KCNH7: variants seen among roughly 807,000 people sequenced by gnomAD.
KCNH7 encodes potassium voltage-gated channel subfamily H member 7.
Under a neutral mutation model 120.8 loss-of-function variants are expected in KCNH7, and 49 were observed. The ratio of observed to expected loss-of-function variants is 0.41; its 90% CI spans 0.32 to 0.51. The LOEUF (loss-of-function observed/expected upper bound fraction) is 0.51. KCNH7 is among the 20% of genes least tolerant of loss of function. The pLI, the probability that KCNH7 is intolerant of heterozygous loss-of-function variation, is 0.38. For synonymous variants in KCNH7, 547 were observed against 516.1 expected, an observed-to-expected ratio of 1.06 and a Z score of -0.81; for missense variants, 1,097 against 1,446.6, an observed-to-expected ratio of 0.76 and a Z score of 3.92.
At chr2:162,437,959 A>G (rs890443455) in intron 7 of KCNH7, among the ~76,000 whole-genome samples, 2 of 151,974 alleles carry the variant, frequency 1.3e-5, no homozygotes, top group African/African-American at 4.8e-5. Flanking sequence ...CTGGTTCAAC[A>G]TTTCACCATT....
chr2:162,758,914 T>C (rs943472908), intron 2 of KCNH7, among the ~76,000 whole-genome samples: 10 of 152,092 alleles, frequency 6.6e-5, no homozygotes, highest in African/African-American at 2.4e-4. Flanking sequence ...CAAGGAAATA[T>C]GAAGGAAAAA....
intron 2 of KCNH7, among the ~76,000 whole-genome samples, chr2:162,764,375 A>G (rs1258581217): frequency 6.6e-6 from 1 of 152,136 alleles, no homozygotes; most frequent in South Asian, 2.1e-4. Context: ...CCAAGGAGAT[A>G]TGCCTTCTCT....
At chr2:162,604,830 G>A (rs1415431550) in intron 2 of KCNH7, among the ~76,000 whole-genome samples, 1 of 151,830 alleles carries the variant, frequency 6.6e-6, no homozygotes. Flanking sequence ...CTAGAAAGGA[G>A]GAAAAGAACA....
At chr2:162,649,829 T>C (rs1049404710) in intron 2 of KCNH7, among the ~76,000 whole-genome samples, 2 of 152,188 alleles carry the variant, frequency 1.3e-5, no homozygotes, top group African/African-American at 4.8e-5. Context: ...TAGCTACATT[T>C]ACCTTCATAT....
At chr2:162,615,003 G>A (rs964558301) in intron 2 of KCNH7, among the ~76,000 whole-genome samples, 2 of 151,806 alleles carry the variant, frequency 1.3e-5, no homozygotes, top group Non-Finnish European at 2.9e-5. Context: ...ATAGCAATAC[G>A]GTTTAAATGT....
chr2:162,496,683 G>A (rs948191996), intron 6 of KCNH7, among the ~76,000 whole-genome samples: 1 of 152,132 alleles, frequency 6.6e-6, no homozygotes, highest in African/African-American at 2.4e-5. Flanking sequence ...CATCAGTATT[G>A]TGAATTTTGT....
In KCNH7 at chr2:162,592,842, G is replaced by T. The variant is rs372720049; in HGVS notation, c.308-55762C>A. Among the ~76,000 whole-genome samples the T allele has an allele frequency of 4.1e-4, 63 of 152,136 alleles. No individual in the cohort carries two copies. In the South Asian group the frequency reaches 8.9e-3, roughly 22 times the overall value. On this transcript the variant is annotated intron_variant, in intron 2 of 15. Coordinates refer to ENST00000332142, the MANE Select transcript of KCNH7 (RefSeq NM_033272.4). ...CAAATAGAAATGTGTATTTGTTCTT[G>T]TTATCAAAATATTGATGTAGTTTTG...
intron 2 of KCNH7, among the ~76,000 whole-genome samples, chr2:162,786,201 C>T (rs1177989040): frequency 7.0e-6 from 1 of 142,822 alleles, no homozygotes; most frequent in Non-Finnish European, 1.5e-5. Context: ...CGAGATCACA[C>T]CAGTGCACTC....
rs376541522 is a variant in KCNH7, at chr2:162,400,432, C to T, written c.2164G>A (p.Gly722Ser). Residue 722 changes from glycine (G) to serine (S), a missense_variant, in exon 10 of 16, where the codon GGT becomes AGT. Physicochemically the swap from Gly to Ser is moderately conservative, Grantham distance 56. This residue lies in a region of KCNH7 where 101 missense variants were observed against 176.3 expected (regional missense o/e 0.57). Coordinates refer to ENST00000332142, the MANE Select transcript of KCNH7 (RefSeq NM_033272.4). ...TCTGCTTGTAAGCATTCTGGGAAAC[C>T]CTTTAGGACCTGAGGAAAAAAAGAA... is the stretch of plus-strand genomic sequence containing the variant. ...NGIDMNMVLK[G>S]FPECLQADIC... 4.3e-6 allele frequency: 7 copies of T among 1,611,384 alleles called. No individual in the cohort carries two copies. In the Admixed American group the frequency reaches 8.4e-5, roughly 19 times the overall value.
rs116376488 is a variant in KCNH7 at position 162,730,099 on chromosome 2, T to G, written c.307+106438A>C. On this transcript the variant is annotated intron_variant, in intron 2 of 15. Coordinates refer to ENST00000332142, the MANE Select transcript of KCNH7 (RefSeq NM_033272.4). The stretch of plus-strand genomic sequence containing the variant: ...ATAAAAGTAAAAAAAAAAGAATGGT[T>G]TAAACATTATATTAGACATGGCCAA... Among the ~76,000 whole-genome samples, 1,181 of 150,086 alleles carry G rather than the reference T, an allele frequency of 7.9e-3. 22 individuals carry two copies. The highest frequency in any genetic ancestry group is 0.027 in the African/African-American group (1,112 of 41,014).
intron 7 of KCNH7, among the ~76,000 whole-genome samples, chr2:162,443,872 A>C: frequency 6.6e-6 from 1 of 152,166 alleles, no homozygotes; most frequent in South Asian, 2.1e-4. Context: ...TGTGTGGTTC[A>C]GCCTGGCAGC....
At chr2:162,706,712 C>A (rs888329801) in intron 2 of KCNH7, among the ~76,000 whole-genome samples, 4 of 151,900 alleles carry the variant, frequency 2.6e-5, no homozygotes, top group Non-Finnish European at 5.9e-5. Flanking sequence ...TTGCCTTCAC[C>A]CACAGGGCAG....
chr2:162,440,451 T>C (rs1688383480), intron 7 of KCNH7, among the ~76,000 whole-genome samples: 1 of 152,060 alleles, frequency 6.6e-6, no homozygotes, highest in African/African-American at 2.4e-5. Flanking sequence ...GCTAATCCCC[T>C]CTAAGTTCTG....
intron 9 of KCNH7, among the ~76,000 whole-genome samples, chr2:162,403,841 T>C (rs577360876): frequency 6.6e-6 from 1 of 151,950 alleles, no homozygotes; most frequent in Non-Finnish European, 1.5e-5. Context: ...AGGATCTGGG[T>C]TCTGTCTAAG....
intron 2 of KCNH7, chr2:162,797,574 C>T (rs1289578630): frequency 6.6e-6 from 1 of 152,024 alleles, no homozygotes; most frequent in Non-Finnish European, 1.5e-5. Context: ...TGAAATATAA[C>T]TATAGTAAAT....
chr2:162,621,638 T>C (rs867250415), intron 2 of KCNH7, among the ~76,000 whole-genome samples: 1 of 152,172 alleles, frequency 6.6e-6, no homozygotes, highest in African/African-American at 2.4e-5. Flanking sequence ...ATTCAGTAAG[T>C]ATATATTCAG....
intron 9 of KCNH7, among the ~76,000 whole-genome samples, chr2:162,409,350 T>C (rs1414680954): frequency 6.6e-6 from 1 of 151,902 alleles, no homozygotes; most frequent in African/African-American, 2.4e-5. Flanking sequence ...CTTGATAAAA[T>C]GGAAATTATT....
chr2:162,713,607 A>AT (rs1422370144), intron 2 of KCNH7, among the ~76,000 whole-genome samples: 4 of 152,148 alleles, frequency 2.6e-5, no homozygotes, highest in African/African-American at 9.7e-5. Flanking sequence ...TTGAGGGTAG[A>AT]TTTTTAATTC....
At chr2:162,636,534 C>A (rs377356185) in intron 2 of KCNH7, among the ~76,000 whole-genome samples, 11 of 152,120 alleles carry the variant, frequency 7.2e-5, no homozygotes, top group South Asian at 2.1e-4. Flanking sequence ...TGTTGCCAGG[C>A]CTGGATGATT....
Sources: gnomAD v4.1 joint callset for allele counts (sites outside exome capture counted in the v4.1 genomes callset) on GRCh38, gnomAD v4.1.1 for gene constraint, gnomAD v4.1.1 regional missense constraint, MANE v1.5 for transcripts, NCBI Gene and HGNC (gene_info 2026-07-23, HGNC 2026-07-21) for gene names.